The following DEGS2 variants were observed in gnomAD, a reference collection of about 807,000 sequenced individuals.
DEGS2 encodes delta 4-desaturase, sphingolipid 2.
Under a neutral mutation model 23.8 loss-of-function variants are expected in DEGS2, and 19 were observed. That is an observed-to-expected ratio of 0.80 (90% CI 0.56 to 1.17). DEGS2 has a LOEUF of 1.17. Ranked by LOEUF, DEGS2 falls within the 50% of genes most tolerant of loss-of-function variation. The pLI is 0.00. For synonymous variants in DEGS2, 218 were observed against 213.7 expected, an observed-to-expected ratio of 1.02 and a Z score of -0.18; for missense variants, 390 against 459.5, an observed-to-expected ratio of 0.85 and a Z score of 1.38.
At chr14:100,162,196 A>C (rs1889756879), upstream of DEGS2, among the ~76,000 whole-genome samples, 1 of 151,224 alleles carries the variant, frequency 6.6e-6, no homozygotes, top group East Asian at 2.0e-4. Context: ...AAATACAAAA[A>C]AAATTAGCTG....
At chr14:100,166,131 AGCCTGTCTCGGGG>A in the DEGS2 span, among the ~76,000 whole-genome samples, 1 of 25,596 alleles carries the variant, frequency 3.9e-5, no homozygotes, top group African/African-American at 1.3e-4. Flanking sequence ...GGGTCGGGGG[AGCCTGTCTCGGGG>A]AGTGGGGGGA....
chr14:100,158,170 A>G (rs1268062555), intron 1 of DEGS2, among the ~76,000 whole-genome samples: 4 of 148,860 alleles, frequency 2.7e-5, no homozygotes, highest in Admixed American at 2.7e-4. Context: ...ACACTTTGGG[A>G]GGCTGAGATG....
rs748647795 is a variant in DEGS2, at chr14:100,149,208, C to T, written c.585G>A (p.Ala195=). Residue 195 remains alanine (A), a synonymous_variant, in exon 2 of 3, where the codon GCG becomes GCA. Coordinates refer to ENST00000305631, the MANE Select transcript of DEGS2 (RefSeq NM_206918.3). The part of the protein sequence containing the change: ...MEVLNTLVQL[A]ADLAIFALWG... ...AAAGGGCAAAGATGGCCAGGTCGGC[C>T]GCCAGCTGCACCAGCGTGTTGAGCA... 6.8e-6 allele frequency: 11 copies of T among 1,612,370 alleles called. No homozygotes were observed. Among genetic ancestry groups the T allele is most frequent in the Admixed American group, 3.3e-5 (2 of 59,976 alleles).
chr14:100,148,125 G>A (rs1257531873), intron 2 of DEGS2, among the ~76,000 whole-genome samples: 2 of 152,174 alleles, frequency 1.3e-5, no homozygotes, highest in Admixed American at 6.5e-5. Flanking sequence ...ATACAGGGAC[G>A]TGTGCACAAA....
intron 2 of DEGS2, among the ~76,000 whole-genome samples, chr14:100,148,633 A>G (rs899343240): frequency 4.6e-5 from 7 of 152,360 alleles, no homozygotes; most frequent in Admixed American, 3.3e-4. Context: ...AAGAGCCTGC[A>G]GACGGGAAGG....
chr14:100,160,035 C>T (rs1173543332), upstream of DEGS2: 1 of 153,230 alleles, frequency 6.5e-6, no homozygotes, highest in Admixed American at 6.5e-5. Flanking sequence ...CTCGCGCCGC[C>T]CCTGCCCCAA....
Position 100,145,968 on chromosome 14 carries a change from G to A in DEGS2, c.*793C>T, listed in dbSNP as rs1209247457. 1 of 152,666 alleles carries A rather than the reference G, an allele frequency of 6.6e-6. No homozygotes were observed. The highest frequency in any genetic ancestry group is 2.4e-5 in the African/African-American group (1 of 41,474). The allele number at this position is 152,666 out of a possible 1,614,324, so 9.5% of individuals were successfully genotyped here. A position where few individuals can be genotyped will look rare whatever the true frequency, so the allele number is the denominator to read the frequency against. On this transcript the variant is annotated 3_prime_UTR_variant, in exon 3 of 3. Transcript: ENST00000305631. ...CAGCCCCTCCTCCGAGCTGGTGTGG[G>A]GGATAGACCCTCTCTGGGCTCAGGG... is the stretch of plus-strand genomic sequence containing the variant.
In DEGS2 at chr14:100,158,228, G is replaced by A. The variant is rs529795611; in HGVS notation, c.82+1278C>T. On this transcript the variant is annotated intron_variant, in intron 1 of 2. Coordinates refer to ENST00000305631, the MANE Select transcript of DEGS2 (RefSeq NM_206918.3). ...GTTTGAGACCAGCCTGGGCAACATG[G>A]CAAGACCCTGTTTCTAGTAAAAATA... Among the ~76,000 whole-genome samples the A allele has an allele frequency of 2.0e-5, 3 of 152,248 alleles. No homozygotes were observed. The East Asian group carries it at 5.8e-4, about 29-fold the overall frequency.
At chr14:100,146,948 G>A (rs371804693) in intron 2 of DEGS2, 41 bp from the exon 3 acceptor site, 60 of 1,592,632 alleles carry the variant, frequency 3.8e-5, no homozygotes, top group Middle Eastern at 1.7e-4. Flanking sequence ...GGTTCTCCTC[G>A]GGGCCGCACC....
chr14:100,149,271 C>T lies in DEGS2; in HGVS notation c.522G>A (p.Pro174=), dbSNP rs536908308. The part of the protein sequence containing the change: ...VLQPFFYSLR[P]LCVHPKAVTR... ...TCACGGCCTTGGGGTGGACGCAGAG[C>T]GGCCGTAGTGAGTAGAAGAAGGGCT... Residue 174 remains proline, a synonymous_variant, in exon 2 of 3, where the codon CCG becomes CCA. Coordinates refer to ENST00000305631, the MANE Select transcript of DEGS2 (RefSeq NM_206918.3). The T allele has an allele frequency of 2.5e-5, 41 of 1,612,826 alleles. 1 individual carries two copies. In the South Asian group the frequency reaches 2.6e-4, roughly 10 times the overall value.
At chr14:100,152,711 A>C (rs923486048) in intron 1 of DEGS2, among the ~76,000 whole-genome samples, 40 of 152,064 alleles carry the variant, frequency 2.6e-4, no homozygotes, top group African/African-American at 8.2e-4. Flanking sequence ...CTTCAATATC[A>C]TACTGAGGGT....
Position 100,146,524 on chromosome 14 carries a change from G to T in DEGS2, c.*237C>A. ...CCCAGGTCATGGTGGGGCAGGGCCA[G>T]GCCTCACCTGGGGAGGCCCAGAAAG... On this transcript the variant is annotated 3_prime_UTR_variant, in exon 3 of 3. Coordinates refer to ENST00000305631, the MANE Select transcript of DEGS2 (RefSeq NM_206918.3). The T allele has an allele frequency of 1.8e-6, 1 of 547,986 alleles. No individual in the cohort carries two copies. The highest frequency in any genetic ancestry group is 3.2e-6 in the Non-Finnish European group (1 of 316,294). The allele number at this position is 547,986 out of a possible 1,614,324, so 33.9% of individuals were successfully genotyped here.
upstream of DEGS2, among the ~76,000 whole-genome samples, chr14:100,164,352 T>G (rs1042887396): frequency 5.3e-5 from 8 of 150,858 alleles, no homozygotes; most frequent in African/African-American, 1.9e-4. Context: ...AATGATTTGC[T>G]GGGCTGGGCG....
chr14:100,153,270 G>C (rs1889604892), intron 1 of DEGS2, among the ~76,000 whole-genome samples: 1 of 96,384 alleles, frequency 1.0e-5, no homozygotes, highest in Admixed American at 1.1e-4. Context: ...TAGATAGATA[G>C]ATAGATAGAT....
rs1204960636 is a variant in DEGS2 at position 100,146,744 on chromosome 14, C to T, written c.*17G>A. 1 of 1,611,518 alleles carries T rather than the reference C, an allele frequency of 6.2e-7. No individual in the cohort carries two copies. The highest frequency in any genetic ancestry group is 1.3e-5 in the African/African-American group (1 of 74,898). On this transcript the variant is annotated 3_prime_UTR_variant, in exon 3 of 3. Transcript: ENST00000305631. ...GCCGATGGGGGACAATGGCCACCACCAGGAGGCAGCCCGGGCTCACAGACC... is the reference window on the plus strand; with the variant it reads ...GCCGATGGGGGACAATGGCCACCACTAGGAGGCAGCCCGGGCTCACAGACC...
chr14:100,155,803 T>C (rs1040691443), intron 1 of DEGS2: 4 of 152,156 alleles, frequency 2.6e-5, no homozygotes, highest in Admixed American at 2.0e-4. Context: ...ATTTTTGTAT[T>C]ACCATGTGTG....
chr14:100,149,807 G>C, intron 1 of DEGS2, 97 bp from the exon 2 acceptor site: 1 of 1,328,950 alleles, frequency 7.5e-7, no homozygotes, highest in Non-Finnish European at 1.0e-6. Flanking sequence ...GAGAAGGTGG[G>C]AGTGGCCAGC....
Position 100,147,666 on chromosome 14 carries a change from C to CG in DEGS2, c.826-760_826-759insC, listed in dbSNP as rs1456545631. ...ACAGGGATGCCCTCCCTGCCCCCCC[C>CG]CCCCAGGATGCCTTTCCTGCCCCCT... On this transcript the variant is annotated intron_variant, in intron 2 of 2. Transcript: ENST00000305631. Among the ~76,000 whole-genome samples the CG allele has an allele frequency of 1.1e-4, 16 of 147,542 alleles. No homozygotes were observed. The East Asian group carries it at 2.8e-3, about 26-fold the overall frequency.
At chr14:100,166,686 G>GT in the DEGS2 span, among the ~76,000 whole-genome samples, 1 of 152,114 alleles carries the variant, frequency 6.6e-6, no homozygotes, top group Non-Finnish European at 1.5e-5. Context: ...CGGAGGTCGG[G>GT]TAAGACGCCA....
Sources: gnomAD v4.1 joint callset for allele counts (sites outside exome capture counted in the v4.1 genomes callset) on GRCh38, gnomAD v4.1.1 for gene constraint, MANE v1.5 for transcripts, NCBI Gene and HGNC (gene_info 2026-07-23, HGNC 2026-07-21) for gene names.